The following AAK1 variants were observed in gnomAD, a reference collection of about 807,000 sequenced individuals.
The protein encoded by AAK1 is AP2-associated protein kinase 1.
AAK1 carries 37 observed loss-of-function variants against 116.0 expected under a neutral mutation model. That is an observed-to-expected ratio of 0.32 (90% CI 0.25 to 0.42). AAK1 has a LOEUF of 0.42. Among genes scored for constraint, AAK1 ranks in the 10% least tolerant of loss-of-function variants. The pLI, the probability that AAK1 is intolerant of heterozygous loss-of-function variation, is 1.00. For missense variants in AAK1, 919 were observed against 1,170.6 expected, an observed-to-expected ratio of 0.79 and a Z score of 3.14; for synonymous variants, 458 against 439.9, an observed-to-expected ratio of 1.04 and a Z score of -0.51.
rs1392700957 is a variant in AAK1 at position 69,466,538 on chromosome 2, C to G, written c.*9331G>C. The G allele has an allele frequency of 3.3e-6, 4 of 1,196,814 alleles. No individual in the cohort carries two copies. The highest frequency in any genetic ancestry group is 3.2e-6 in the Non-Finnish European group (3 of 942,908). The allele number at this position is 1,196,814 out of a possible 1,614,324, so 74.1% of individuals were successfully genotyped here. A position where few individuals can be genotyped will look rare whatever the true frequency, so the allele number is the denominator to read the frequency against. ...CAGTTATTACAGGACAGGGATTGGACTCCCTCTGGAGATCTAGAAAAGCAT... is the reference window on the plus strand; with the variant it reads ...CAGTTATTACAGGACAGGGATTGGAGTCCCTCTGGAGATCTAGAAAAGCAT... On this transcript the variant is annotated 3_prime_UTR_variant, in exon 22 of 22. Coordinates refer to ENST00000409085, the MANE Select transcript of AAK1 (RefSeq NM_014911.5).
At chr2:69,587,386 C>CATGTGTGTACATATAT (rs1558982712) in intron 2 of AAK1, among the ~76,000 whole-genome samples, 21 of 149,978 alleles carry the variant, frequency 1.4e-4, no homozygotes, top group East Asian at 5.9e-4. Flanking sequence ...CATATATACA[C>CATGTGTGTACATATAT]ACACGTGTGT....
Position 69,475,855 on chromosome 2 carries a change from C to A in AAK1, c.*14G>T. 1 of 1,608,528 alleles carries A rather than the reference C, an allele frequency of 6.2e-7. No individual in the cohort carries two copies. The highest frequency in any genetic ancestry group is 1.1e-5 in the South Asian group (1 of 89,788). On this transcript the variant is annotated 3_prime_UTR_variant, in exon 22 of 22. Transcript: ENST00000409085. ...TATGAAGGTTACAGAACTGCATCTGCTACTGGGTCACGGCTACAGGTCTAT... is the reference window on the plus strand; with the variant it reads ...TATGAAGGTTACAGAACTGCATCTGATACTGGGTCACGGCTACAGGTCTAT...
At position 69,468,831 on chromosome 2, in the gene AAK1, C is replaced by T. The variant is rs917866444; in HGVS notation, c.*7038G>A. 5.9e-5 allele frequency: 58 copies of T among 985,220 alleles called. No individual in the cohort carries two copies. Among genetic ancestry groups the T allele is most frequent in the Non-Finnish European group, 6.9e-5 (57 of 829,928 alleles). 61.0% of individuals were successfully genotyped at this position (985,220 alleles called of 1,614,324 possible). On this transcript the variant is annotated 3_prime_UTR_variant, in exon 22 of 22. Transcript: ENST00000409085. ...GGAGAGGATGGAAGAACATGTCTAA[C>T]CCATCAAAATTATTTGTTAAAAAGT... is the stretch of plus-strand genomic sequence containing the variant.
At chr2:69,547,272 T>A (rs1670966458) in intron 3 of AAK1, among the ~76,000 whole-genome samples, 1 of 152,174 alleles carries the variant, frequency 6.6e-6, no homozygotes, top group African/African-American at 2.4e-5. Context: ...TTGCACTTTA[T>A]TGAAATTAAA....
At chr2:69,537,288 C>T (rs1215000451) in intron 5 of AAK1, among the ~76,000 whole-genome samples, 1 of 152,192 alleles carries the variant, frequency 6.6e-6, no homozygotes, top group Non-Finnish European at 1.5e-5. Context: ...CAATATAGAA[C>T]AGCACTTCTG....
chr2:69,542,778 C>T lies in AAK1; in HGVS notation c.392-113G>A, dbSNP rs550692607. The stretch of plus-strand genomic sequence containing the variant: ...AGCAGTCTGGACTAAGGTAACAGAG[C>T]TGACCACTGACTGAGCCAGGATTAA... On this transcript the variant is annotated intron_variant, in intron 4 of 21. Transcript: ENST00000409085. 49 of 1,163,036 alleles carry T rather than the reference C, an allele frequency of 4.2e-5. 1 individual carries two copies. The East Asian group carries it at 7.0e-4, about 17-fold the overall frequency. 72.0% of individuals were successfully genotyped at this position (1,163,036 alleles called of 1,614,324 possible).
chr2:69,513,913 T>C (rs779460150), intron 13 of AAK1, among the ~76,000 whole-genome samples: 6 of 152,180 alleles, frequency 3.9e-5, no homozygotes, highest in Non-Finnish European at 7.4e-5. Context: ...AATTTCTAAA[T>C]TGATAAGATG....
At chr2:69,545,794 G>GTT (rs1670899059) in intron 3 of AAK1, among the ~76,000 whole-genome samples, 1 of 152,128 alleles carries the variant, frequency 6.6e-6, no homozygotes. Context: ...GGAGACTTAC[G>GTT]TGAGAGTAGT....
rs1676234668 is a variant in AAK1 at position 69,507,598 on chromosome 2, C to A, written c.2007-20G>T. The A allele has an allele frequency of 1.9e-6, 3 of 1,552,548 alleles. No homozygotes were observed. Among genetic ancestry groups the A allele is most frequent in the Non-Finnish European group, 1.7e-6 (2 of 1,149,484 alleles). On this transcript the variant is annotated intron_variant, in intron 14 of 21. Coordinates refer to ENST00000409085, the MANE Select transcript of AAK1 (RefSeq NM_014911.5). Reference sequence around the variant, plus strand: ...GCAGACCTAGGTAGGTTCCCACCCCCACGAAACAAAAAGATATAAAAGTTG... The same window carrying A: ...GCAGACCTAGGTAGGTTCCCACCCCAACGAAACAAAAAGATATAAAAGTTG...
rs959505358 is a variant in AAK1, at chr2:69,468,815, G to A, written c.*7054C>T. 1.0e-6 allele frequency: 1 copy of A among 985,260 alleles called. No individual in the cohort carries two copies. The highest frequency in any genetic ancestry group is 1.7e-5 in the African/African-American group (1 of 57,208). The allele number at this position is 985,260 out of a possible 1,614,324, so 61.0% of individuals were successfully genotyped here. A position where few individuals can be genotyped will look rare whatever the true frequency, so the allele number is the denominator to read the frequency against. ...GCCCATATTCAGGGTTGGAGAGGAT[G>A]GAAGAACATGTCTAACCCATCAAAA... On this transcript the variant is annotated 3_prime_UTR_variant, in exon 22 of 22. Transcript: ENST00000409085.
chr2:69,599,177 T>C (rs1042573900), intron 2 of AAK1, among the ~76,000 whole-genome samples: 1 of 152,026 alleles, frequency 6.6e-6, no homozygotes, highest in South Asian at 2.1e-4. Context: ...ATAAAAGAAG[T>C]GGTGGTTTTT....
In AAK1 at chr2:69,524,412, TTTTTGTTTTG is replaced by T. The variant is rs72095421; in HGVS notation, c.1055+611_1055+620del. Among the ~76,000 whole-genome samples, 775 of 148,682 alleles carry T rather than the reference TTTTTGTTTTG, an allele frequency of 5.2e-3. 4 individuals carry two copies. Among genetic ancestry groups the T allele is most frequent in the African/African-American group, 0.012 (474 of 39,904 alleles). On this transcript the variant is annotated intron_variant, in intron 10 of 21. Coordinates refer to ENST00000409085, the MANE Select transcript of AAK1 (RefSeq NM_014911.5). The stretch of plus-strand genomic sequence containing the variant: ...ATACTCTTGTACTAGCAACATTCTT[TTTTTGTTTTG>T]TTTTGTTTTGTTTTGTTTTGTTTTG...
chr2:69,535,837 G>A (rs1158205399), intron 5 of AAK1, among the ~76,000 whole-genome samples: 1 of 152,150 alleles, frequency 6.6e-6, no homozygotes, highest in Non-Finnish European at 1.5e-5. Context: ...ACTGCTGTCA[G>A]GAAAGGGGAG....
At chr2:69,598,198 C>T in intron 2 of AAK1, 1 of 759,896 alleles carries the variant, frequency 1.3e-6, no homozygotes, top group Admixed American at 3.3e-5. Flanking sequence ...CTGATGTTTC[C>T]ATCGATATTT....
intron 5 of AAK1, among the ~76,000 whole-genome samples, chr2:69,539,027 T>C (rs1159084780): frequency 1.3e-5 from 2 of 152,232 alleles, no homozygotes; most frequent in African/African-American, 4.8e-5. Flanking sequence ...GCCAGGGATG[T>C]GCGCCTAGAG....
rs1459558130 is a variant in AAK1 at position 69,464,957 on chromosome 2, CCTTTT to C, written c.*10907_*10911del. 1.9e-5 allele frequency: 3 copies of C among 155,010 alleles called. No individual in the cohort carries two copies. Among genetic ancestry groups the C allele is most frequent in the Non-Finnish European group, 2.9e-5 (2 of 70,040 alleles). The allele number at this position is 155,010 out of a possible 1,614,324, so 9.6% of individuals were successfully genotyped here. On this transcript the variant is annotated 3_prime_UTR_variant, in exon 22 of 22. Transcript: ENST00000409085. ...CTTGCTCTTCTTTCCAGACATCTCC[CCTTTT>C]CAAGAGTACTAAATCTTGATTTAGT...
intron 2 of AAK1, among the ~76,000 whole-genome samples, chr2:69,609,979 G>A (rs974185152): frequency 2.1e-5 from 3 of 141,652 alleles, no homozygotes; most frequent in African/African-American, 8.7e-5. Context: ...GAACCCGGGA[G>A]GCGGAGCTTT....
intron 12 of AAK1, among the ~76,000 whole-genome samples, chr2:69,517,905 G>A (rs1676649942): frequency 6.6e-6 from 1 of 152,110 alleles, no homozygotes; most frequent in Non-Finnish European, 1.5e-5. Context: ...GTGGGAGGAT[G>A]GCTTGAGGCC....
chr2:69,536,505 G>A (rs976111253), intron 5 of AAK1, among the ~76,000 whole-genome samples: 8 of 152,230 alleles, frequency 5.3e-5, no homozygotes, highest in East Asian at 1.9e-4. Context: ...CTAGACAGTC[G>A]TACACCACCT....
Sources: allele counts gnomAD v4.1 joint callset (sites outside exome capture counted in the v4.1 genomes callset), GRCh38; gene constraint gnomAD v4.1.1; transcripts MANE v1.5; gene names NCBI Gene and HGNC (gene_info 2026-07-23, HGNC 2026-07-21).